Variants in SLC25A22 observed in about 807,000 individuals in gnomAD.
SLC25A22 encodes the protein solute carrier family 25 member 22.
Under a neutral mutation model 33.7 loss-of-function variants are expected in SLC25A22, and 23 were observed. That is an observed-to-expected ratio of 0.68 (90% confidence interval 0.49 to 0.97). The LOEUF (loss-of-function observed/expected upper bound fraction) is 0.97, where lower values mean the gene tolerates loss of function less well. Ranked by LOEUF, SLC25A22 falls within the 50% of genes least tolerant of loss-of-function variation. The pLI is 0.00. For missense variants in SLC25A22, 390 were observed against 451.1 expected (o/e 0.86, Z 1.23); for synonymous variants, 245 against 203.8 (o/e 1.20, Z -1.72).
Position 794,811 on chromosome 11 carries a change from C to T in SLC25A22, c.111G>A (p.Gln37=), listed in dbSNP as rs760528521. 1 of 1,597,532 alleles carries T rather than the reference C, an allele frequency of 6.3e-7. No homozygotes were observed. The highest frequency in any genetic ancestry group is 8.5e-7 in the Non-Finnish European group (1 of 1,173,288). ...FPIDLAKTRL[Q]NQQNGQRVYT... ...ACACGCGCTGGCCGTTCTGCTGGTTCTGCAGCCTGGTCTTGGCCAGGTCGA... is the reference window on the plus strand; with the variant it reads ...ACACGCGCTGGCCGTTCTGCTGGTTTTGCAGCCTGGTCTTGGCCAGGTCGA... The change falls in exon 3 of 10, where the codon CAG becomes CAA. Residue 37 remains glutamine (Q), a synonymous_variant. Transcript: ENST00000628067.
In SLC25A22 at chr11:791,755, C is replaced by T. The variant is rs1408190915; in HGVS notation, c.*160G>A. 2.2e-5 allele frequency: 21 copies of T among 961,252 alleles called. No individual in the cohort carries two copies. Among genetic ancestry groups the T allele is most frequent in the Middle Eastern group, 3.4e-4 (1 of 2,984 alleles). The allele number at this position is 961,252 out of a possible 1,614,324, so 59.5% of individuals were successfully genotyped here. On this transcript the variant is annotated 3_prime_UTR_variant, in exon 10 of 10. Transcript: ENST00000628067. The stretch of plus-strand genomic sequence containing the variant: ...TGCAGGCAGCACCCCGGGGGGCTTG[C>T]GTGTGCACCACCTATGTGGACCCTG...
chr11:794,751 C>G (rs775713575), intron 3 of SLC25A22, 25 bp downstream of exon 3: 12 of 1,591,722 alleles, frequency 7.5e-6, no homozygotes, highest in Non-Finnish European at 1.0e-5. Context: ...TGGGCCCACT[C>G]CCCGCGACCG....
chr11:794,404 T>G (rs2133710294), intron 4 of SLC25A22, 54 bp downstream of exon 4: 2 of 1,590,988 alleles, frequency 1.3e-6, no homozygotes. Context: ...CTGCCACGAC[T>G]CGCGGGCGCT....
intron 1 of SLC25A22, 151 bp from the exon 2 acceptor site, chr11:795,320 C>T: frequency 7.5e-6 from 4 of 532,986 alleles, no homozygotes; most frequent in African/African-American, 1.9e-5. Flanking sequence ...GAGGCACCTG[C>T]CACCCAGTCC....
chr11:794,387 C>A, intron 4 of SLC25A22, 71 bp downstream of exon 4: 2 of 1,562,582 alleles, frequency 1.3e-6, no homozygotes, highest in Non-Finnish European at 8.7e-7. Context: ...GCCTCCCCCA[C>A]CGCTCCCTGC....
At chr11:796,541 G>T (rs1031588258) in intron 1 of SLC25A22, among the ~76,000 whole-genome samples, 1 of 152,290 alleles carries the variant, frequency 6.6e-6, no homozygotes. Context: ...TCTGTCTAGG[G>T]CTGGTACTCT....
intron 1 of SLC25A22, among the ~76,000 whole-genome samples, chr11:796,642 C>G (rs1017482756): frequency 6.6e-6 from 1 of 152,172 alleles, no homozygotes; most frequent in Non-Finnish European, 1.5e-5. Flanking sequence ...AACACCCACT[C>G]GTGTCTGTGG....
chr11:792,720 C>G lies in SLC25A22; in HGVS notation c.420G>C (p.Gln140His), dbSNP rs747335728. The change falls in exon 7 of 10, where the codon CAG becomes CAC. Residue 140 changes from glutamine (Q) to histidine (H), a missense_variant. By Grantham distance (24) the Gln-to-His change is conservative. Transcript: ENST00000628067. ...GGCCCTGGGCAGCCAGGATCTTCCT[C>G]TGGGCGGCTGGGGACAAAGAGGCTG... Reference protein sequence around the residue: ...QLQDAGRIAAQRKILAAQGQL... With the variant: ...QLQDAGRIAAHRKILAAQGQL... 6.5e-7 allele frequency: 1 copy of G among 1,546,576 alleles called. No individual in the cohort carries two copies. The highest frequency in any genetic ancestry group is 2.4e-5 in the East Asian group (1 of 41,492).
intron 1 of SLC25A22, chr11:797,638 C>G: frequency 2.5e-6 from 1 of 398,704 alleles, no homozygotes; most frequent in Non-Finnish European, 4.4e-6. Context: ...GGGGGTGAGG[C>G]TCCGAGTCTG....
Position 798,273 on chromosome 11 carries a change from G to A in SLC25A22, c.-220C>T, listed in dbSNP as rs1864942835. 4 of 377,236 alleles carry A rather than the reference G, an allele frequency of 1.1e-5. No homozygotes were observed. Among genetic ancestry groups the A allele is most frequent in the South Asian group, 2.6e-4 (2 of 7,726 alleles). The allele number at this position is 377,236 out of a possible 1,614,324, so 23.4% of individuals were successfully genotyped here. A position where few individuals can be genotyped will look rare whatever the true frequency, so the allele number is the denominator to read the frequency against. ...CCGCCCCGCGCTCGGCCAGCACCTA[G>A]GCGGGGAGGCGCGTCCGCTCGGCGC... On this transcript the variant is annotated 5_prime_UTR_variant, in exon 1 of 10. Coordinates refer to ENST00000628067, the MANE Select transcript of SLC25A22 (RefSeq NM_001191061.2).
chr11:792,052 C>A lies in SLC25A22; in HGVS notation c.835G>T (p.Glu279Ter). ...CCCTTCAGGAAGGCCGAGGGGCCCT[C>A]GTGCCGCAGGATCTTCCTGTGGAGG... Reference protein sequence around the residue: ...LDCARKILRHEGPSAFLKGAY... With the variant: ...LDCARKILRH The change falls in exon 10 of 10, where the codon GAG becomes TAG. Residue 279 changes from glutamate to a stop codon, truncating the protein, a stop_gained. Coordinates refer to ENST00000628067, the MANE Select transcript of SLC25A22 (RefSeq NM_001191061.2). LOFTEE classifies it high-confidence loss of function. 6.3e-7 allele frequency: 1 copy of A among 1,598,776 alleles called. No homozygotes were observed. Among genetic ancestry groups the A allele is most frequent in the East Asian group, 2.3e-5 (1 of 43,884 alleles).
At chr11:797,505 C>CAG (rs1864890997) in intron 1 of SLC25A22, 1 of 397,498 alleles carries the variant, frequency 2.5e-6, no homozygotes, top group East Asian at 3.6e-5. Context: ...CACAGGCAAG[C>CAG]CAGGGAGACA....
chr11:791,956 C>T lies in SLC25A22; in HGVS notation c.931G>A (p.Ala311Thr), dbSNP rs1462163366. Residue 311 changes from alanine to threonine, a missense_variant, in exon 10 of 10, where the codon GCG (alanine) becomes ACG (threonine). Physicochemically the swap from Ala to Thr is moderately conservative, Grantham distance 58. Transcript: ENST00000628067. ...TGCAGCAGCCCCAGCAGGGACTCCG[C>T]GATGCCCAGGAAGTAGACCACCTGT... ...IAQVVYFLGI[A>T]ESLLGLLQDP... is the part of the protein sequence containing the mutation. 4 of 1,605,982 alleles carry T rather than the reference C, an allele frequency of 2.5e-6. No individual in the cohort carries two copies. The highest frequency in any genetic ancestry group is 4.5e-5 in the East Asian group (2 of 44,846).
At chr11:793,416 A>G (rs758114470) in intron 5 of SLC25A22, 113 bp downstream of exon 5, 14 of 1,006,736 alleles carry the variant, frequency 1.4e-5, no homozygotes, top group Non-Finnish European at 2.1e-5. Flanking sequence ...AGAAGCCCCA[A>G]GCAAGGGGCT....
At chr11:793,364 C>T (rs1864636865) in intron 5 of SLC25A22, 165 bp downstream of exon 5, 1 of 698,380 alleles carries the variant, frequency 1.4e-6, no homozygotes, top group Non-Finnish European at 2.5e-6. Context: ...TGCTTTGCTC[C>T]CCTGGTCAGG....
chr11:794,735 A>T, intron 3 of SLC25A22, 41 bp downstream of exon 3: 1 of 1,586,704 alleles, frequency 6.3e-7, no homozygotes, highest in Non-Finnish European at 8.5e-7. Context: ...TCCTGCTGCC[A>T]CATGCTGGGC....
rs1170853389 is a variant in SLC25A22 at position 793,131 on chromosome 11, C to CGCAGCAGCCCGCA, written c.294-144_294-143insTGCGGGCTGCTGC. 43 of 792,860 alleles carry CGCAGCAGCCCGCA rather than the reference C, an allele frequency of 5.4e-5. No homozygotes were observed. In the African/African-American group the frequency reaches 6.4e-4, roughly 12 times the overall value. The allele number at this position is 792,860 out of a possible 1,614,324, so 49.1% of individuals were successfully genotyped here. ...CTGTGGGGGTACAGCCCCCAGCCTC[C>CGCAGCAGCCCGCA]GCCACTGCAGCAGCAGGCAGGGAGG... On this transcript the variant is annotated intron_variant, in intron 5 of 9. Transcript: ENST00000628067.
rs138185663 is a variant in SLC25A22, at chr11:794,835, G to A, written c.87C>T (p.Ile29=). Residue 29 remains isoleucine, a synonymous_variant, in exon 3 of 10, where the codon ATC becomes ATT. Coordinates refer to ENST00000628067, the MANE Select transcript of SLC25A22 (RefSeq NM_001191061.2). ...GLIGVTCVFP[I]DLAKTRLQNQ... is the part of the protein sequence containing the mutation. Reference sequence around the variant, plus strand: ...TCTGCAGCCTGGTCTTGGCCAGGTCGATGGGAAACACGCAGGTGACACCGA... The same window carrying A: ...TCTGCAGCCTGGTCTTGGCCAGGTCAATGGGAAACACGCAGGTGACACCGA... The A allele has an allele frequency of 8.8e-6, 14 of 1,589,026 alleles. No homozygotes were observed. The highest frequency in any genetic ancestry group is 1.1e-5 in the Non-Finnish European group (13 of 1,168,644).
intron 2 of SLC25A22, 23 bp downstream of exon 2, chr11:794,964 C>T (rs901550062): frequency 4.9e-5 from 77 of 1,561,662 alleles, no homozygotes; most frequent in Middle Eastern, 1.7e-4. Context: ...GGGTGAGGCA[C>T]GCAGCCAGGA....
Sources: gnomAD v4.1 joint callset for allele counts (sites outside exome capture counted in the v4.1 genomes callset) on GRCh38, gnomAD v4.1.1 for gene constraint, MANE v1.5 for transcripts, NCBI Gene and HGNC (gene_info 2026-07-23, HGNC 2026-07-21) for gene names.